The following EIF4G3 variants were observed in gnomAD, a reference collection of about 807,000 sequenced individuals.
EIF4G3 encodes eukaryotic translation initiation factor 4 gamma 3, also known as eIF-4-gamma 3.
Under a neutral mutation model 186.4 loss-of-function variants are expected in EIF4G3, and 34 were observed. The ratio of observed to expected loss-of-function variants is 0.18; its 90% CI spans 0.14 to 0.24. The LOEUF is 0.24. Among genes scored for constraint, EIF4G3 ranks in the 10% least tolerant of loss-of-function variants. The pLI, the probability that EIF4G3 is intolerant of heterozygous loss-of-function variation, is 1.00. For synonymous variants in EIF4G3, 673 were observed against 679.5 expected, an observed-to-expected ratio of 0.99 and a Z score of 0.15; for missense variants, 1,536 against 1,948.5, an observed-to-expected ratio of 0.79 and a Z score of 3.99.
intron 29 of EIF4G3, among the ~76,000 whole-genome samples, chr1:20,843,939 G>A (rs927258923): frequency 2.6e-5 from 4 of 152,192 alleles, no homozygotes; most frequent in African/African-American, 4.8e-5. Flanking sequence ...AGTTTGCTAA[G>A]GATAATGGCC....
intron 2 of EIF4G3, among the ~76,000 whole-genome samples, chr1:21,116,346 A>G (rs959068427): frequency 6.6e-6 from 1 of 152,200 alleles, no homozygotes; most frequent in Non-Finnish European, 1.5e-5. Context: ...GTTAAATACA[A>G]TTTTGAAAGT....
chr1:21,073,428 C>A (rs142740681), intron 3 of EIF4G3, among the ~76,000 whole-genome samples: 1 of 152,302 alleles, frequency 6.6e-6, no homozygotes, highest in African/African-American at 2.4e-5. Flanking sequence ...CTGGACAGCA[C>A]GGTTCTGAGC....
At chr1:21,051,414 T>C (rs1190975481) in intron 3 of EIF4G3, among the ~76,000 whole-genome samples, 3 of 152,172 alleles carry the variant, frequency 2.0e-5, no homozygotes, top group African/African-American at 4.8e-5. Context: ...ATCATGCTTA[T>C]AGTGAGAATT....
At chr1:21,161,270 G>A (rs192402080) in intron 2 of EIF4G3, among the ~76,000 whole-genome samples, 64 of 151,802 alleles carry the variant, frequency 4.2e-4, no homozygotes, top group African/African-American at 1.2e-3. Flanking sequence ...TTGGGAGGCC[G>A]AGGCGGGTGG....
chr1:20,832,454 T>C (rs1425364364), intron 30 of EIF4G3, among the ~76,000 whole-genome samples: 1 of 110,892 alleles, frequency 9.0e-6, no homozygotes, highest in Non-Finnish European at 2.0e-5. Flanking sequence ...TTTGATGGGG[T>C]TGTTTGTTTT....
At chr1:21,086,199 C>CTT (rs397979515) in intron 3 of EIF4G3, among the ~76,000 whole-genome samples, 3,759 of 95,046 alleles carry the variant, frequency 0.04, 318 homozygotes, top group African/African-American at 0.056. Context: ...ACATGATACT[C>CTT]TTTTTTTTTT....
intron 15 of EIF4G3, among the ~76,000 whole-genome samples, chr1:20,902,208 C>T (rs1273575291): frequency 2.0e-5 from 3 of 151,856 alleles, no homozygotes; most frequent in African/African-American, 7.3e-5. Flanking sequence ...GGATTACAGG[C>T]GCACACTACT....
chr1:20,881,281 G>A (rs1014292068), intron 19 of EIF4G3, among the ~76,000 whole-genome samples: 1 of 152,084 alleles, frequency 6.6e-6, no homozygotes, highest in Non-Finnish European at 1.5e-5. Flanking sequence ...ACAAGAAAGG[G>A]GAGAAAAAGA....
intron 29 of EIF4G3, among the ~76,000 whole-genome samples, chr1:20,842,172 T>C (rs2068848528): frequency 6.6e-6 from 1 of 152,218 alleles, no homozygotes. Context: ...ATATTTGATA[T>C]ATAGTACATA....
intron 3 of EIF4G3, among the ~76,000 whole-genome samples, chr1:21,084,250 A>G (rs1275376177): frequency 6.6e-6 from 1 of 151,882 alleles, no homozygotes; most frequent in Admixed American, 6.6e-5. Flanking sequence ...AAAAAAAAGA[A>G]AGAAAAAAAA....
intron 31 of EIF4G3, 36 bp from the exon 32 acceptor site, chr1:20,827,734 A>C (rs1191859801): frequency 7.1e-7 from 1 of 1,410,234 alleles, no homozygotes; most frequent in Non-Finnish European, 1.0e-6. Flanking sequence ...AGTATCTCTA[A>C]AGAAATCCTT....
intron 20 of EIF4G3, among the ~76,000 whole-genome samples, chr1:20,870,876 A>C (rs1248813362): frequency 6.6e-6 from 1 of 152,160 alleles, no homozygotes; most frequent in Non-Finnish European, 1.5e-5. Flanking sequence ...GGTGGAGTTG[A>C]CCATGTCTTA....
At chr1:21,156,751 G>C (rs1426927625) in intron 2 of EIF4G3, among the ~76,000 whole-genome samples, 1 of 152,046 alleles carries the variant, frequency 6.6e-6, no homozygotes, top group Non-Finnish European at 1.5e-5. Context: ...CCTCTAGACA[G>C]GATGTACCTC....
At chr1:21,063,675 C>T (rs891633766) in intron 3 of EIF4G3, among the ~76,000 whole-genome samples, 2 of 118,550 alleles carry the variant, frequency 1.7e-5, no homozygotes, top group East Asian at 5.1e-4. Flanking sequence ...AACAACATCA[C>T]GGATGTTTTT....
chr1:21,101,504 A>G lies in EIF4G3; in HGVS notation c.-271-12291T>C, dbSNP rs573397692. On this transcript the variant is annotated intron_variant, in intron 2 of 36. Transcript: ENST00000602326. Reference sequence around the variant, plus strand: ...AGAATCACTCGAACCCAGGAGGTAGAGGTTGCAGTGAGCCGAGATTGCACC... The same window carrying G: ...AGAATCACTCGAACCCAGGAGGTAGGGGTTGCAGTGAGCCGAGATTGCACC... 1.4e-3 allele frequency among the ~76,000 whole-genome samples: 185 copies of G among 136,874 alleles called. 1 individual carries two copies. Among genetic ancestry groups the G allele is most frequent in the African/African-American group, 4.7e-3 (177 of 38,034 alleles). 89.8% of individuals were successfully genotyped at this position (136,874 alleles called of 152,430 possible).
intron 26 of EIF4G3, among the ~76,000 whole-genome samples, chr1:20,854,712 T>TATAAATAAATAAATAAATAA (rs375345484): frequency 1.7e-4 from 25 of 148,044 alleles, no homozygotes; most frequent in African/African-American, 5.3e-4. Context: ...CTCAAAAATA[T>TATAAATAAATAAATAAATAA]ATAAATAAAT....
At chr1:20,912,291 A>T (rs951214829) in intron 14 of EIF4G3, among the ~76,000 whole-genome samples, 2 of 152,206 alleles carry the variant, frequency 1.3e-5, no homozygotes, top group Non-Finnish European at 2.9e-5. Context: ...TAAAATTTTT[A>T]AAAAATTAAT....
At chr1:20,956,451 A>C (rs2096420400) in intron 12 of EIF4G3, among the ~76,000 whole-genome samples, 1 of 152,072 alleles carries the variant, frequency 6.6e-6, no homozygotes, top group South Asian at 2.1e-4. Context: ...CCTGTTGTCT[A>C]AGGAGAGCAA....
chr1:21,159,493 T>A (rs867700988), intron 2 of EIF4G3, among the ~76,000 whole-genome samples: 1 of 151,204 alleles, frequency 6.6e-6, no homozygotes, highest in African/African-American at 2.4e-5. Context: ...TCCCAGCACT[T>A]TGGGAGGCCG....
Sources: gnomAD v4.1 joint callset for allele counts (sites outside exome capture counted in the v4.1 genomes callset) on GRCh38, gnomAD v4.1.1 for gene constraint, MANE v1.5 for transcripts, NCBI Gene and HGNC (gene_info 2026-07-23, HGNC 2026-07-21) for gene names.